Variants in RNASEH2B observed in about 807,000 individuals in gnomAD.
RNASEH2B encodes the protein ribonuclease H2 subunit B.
In RNASEH2B, 36 loss-of-function variants were observed where a neutral mutation model predicts 45.0. The ratio of observed to expected loss-of-function variants is 0.80; its 90% confidence interval spans 0.61 to 1.06. The LOEUF (loss-of-function observed/expected upper bound fraction) is 1.06, where lower values mean the gene tolerates loss of function less well. RNASEH2B is among the 50% of genes least tolerant of loss of function. The pLI is 0.00. For synonymous variants in RNASEH2B, 119 were observed against 125.7 expected, an observed-to-expected ratio of 0.95 and a Z score of 0.35; for missense variants, 361 against 360.3, an observed-to-expected ratio of 1.00 and a Z score of -0.02.
At chr13:50,938,486 A>C (rs1266312991) in intron 5 of RNASEH2B, 1 of 151,966 alleles carries the variant, frequency 6.6e-6, no homozygotes, top group Admixed American at 6.6e-5. Context: ...CAGCAGAAGC[A>C]GCAGTCTCCA....
At chr13:50,962,568 G>A (rs1348077890) in intron 9 of RNASEH2B, among the ~76,000 whole-genome samples, 1 of 152,084 alleles carries the variant, frequency 6.6e-6, no homozygotes, top group Non-Finnish European at 1.5e-5. Context: ...CATACCTGAT[G>A]TTGGTCATCT....
downstream of RNASEH2B, chr13:50,959,388 T>C (rs532737963): frequency 5.3e-5 from 8 of 152,248 alleles, no homozygotes; most frequent in Admixed American, 3.9e-4. Flanking sequence ...GATATTTCAT[T>C]TTACAGGAAA....
At chr13:50,970,034 T>C in exon 10 of RNASEH2B, 1 of 1,466,576 alleles carries the variant, frequency 6.8e-7, no homozygotes, top group Admixed American at 2.0e-5. Context: ...GACTCGGACT[T>C]TTTCTTCTGC....
chr13:50,948,153 T>C (rs2138000987), intron 8 of RNASEH2B, 85 bp downstream of exon 8: 2 of 1,581,084 alleles, frequency 1.3e-6, no homozygotes, highest in Admixed American at 3.4e-5. Context: ...TGGCTTATCA[T>C]ATCACTGTTT....
intron 9 of RNASEH2B, chr13:50,952,262 A>C (rs1951985606): frequency 6.6e-6 from 1 of 152,200 alleles, no homozygotes; most frequent in Non-Finnish European, 1.5e-5. Context: ...CATCCTCATA[A>C]CTTCAAGCTT....
intron 1 of RNASEH2B, among the ~76,000 whole-genome samples, chr13:50,919,855 A>C (rs567173344): frequency 6.6e-6 from 1 of 152,382 alleles, no homozygotes; most frequent in East Asian, 1.9e-4. Context: ...GGACTTAAAC[A>C]GTGCCTGGTA....
At chr13:50,953,634 T>G in intron 9 of RNASEH2B, 2 of 498,502 alleles carry the variant, frequency 4.0e-6, no homozygotes, top group Non-Finnish European at 7.2e-6. Context: ...CTACAAAGCC[T>G]GTGTTTGCTG....
At chr13:50,922,144 C>T (rs990345755) in intron 1 of RNASEH2B, among the ~76,000 whole-genome samples, 1 of 152,166 alleles carries the variant, frequency 6.6e-6, no homozygotes, top group African/African-American at 2.4e-5. Context: ...GCCCTATCTT[C>T]AGGGTATTTG....
rs1349429012 is a variant in RNASEH2B at position 50,930,665 on chromosome 13, C to T, written c.245-18C>T. The T allele has an allele frequency of 6.3e-7, 1 of 1,586,492 alleles. No individual in the cohort carries two copies. The highest frequency in any genetic ancestry group is 8.7e-7 in the Non-Finnish European group (1 of 1,155,002). On this transcript the variant is annotated intron_variant, in intron 3 of 10. Transcript: ENST00000336617. ...TTCCAAGACGTTTAATTCCCTTCAT[C>T]CTTTTTGTAATCTGCAGGAGGTCTT...
In RNASEH2B at chr13:50,954,000, G is replaced by A. The variant is rs767399621; in HGVS notation, c.822+15G>A. The A allele has an allele frequency of 1.3e-6, 2 of 1,515,296 alleles. No homozygotes were observed. Among genetic ancestry groups the A allele is most frequent in the Non-Finnish European group, 1.8e-6 (2 of 1,090,314 alleles). The allele number at this position is 1,515,296 out of a possible 1,614,324, so 93.9% of individuals were successfully genotyped here. ...AGACTGAAAAGGTATGTGGGTTCAG[G>A]TGTAGTGGTGTTTCGTTCATACTCA... On this transcript the variant is annotated intron_variant, in intron 10 of 10. Transcript: ENST00000336617.
intron 2 of RNASEH2B, among the ~76,000 whole-genome samples, chr13:50,929,106 C>T (rs1290426042): frequency 2.0e-5 from 3 of 152,138 alleles, no homozygotes; most frequent in African/African-American, 7.2e-5. Context: ...ACACACTGCC[C>T]AGAGGCAGGG....
At chr13:50,967,049 G>C (rs1301346296) in intron 9 of RNASEH2B, among the ~76,000 whole-genome samples, 1 of 152,112 alleles carries the variant, frequency 6.6e-6, no homozygotes, top group Non-Finnish European at 1.5e-5. Flanking sequence ...GGCATCTCTG[G>C]CCCCCAGTCA....
At chr13:50,910,672 G>C (rs148301270) in intron 1 of RNASEH2B, 2 of 152,726 alleles carry the variant, frequency 1.3e-5, no homozygotes, top group East Asian at 3.9e-4. Context: ...GCAGGATGAT[G>C]ACCACAGGAG....
intron 1 of RNASEH2B, chr13:50,912,100 G>C (rs1013613999): frequency 1.3e-5 from 2 of 152,290 alleles, no homozygotes; most frequent in African/African-American, 4.8e-5. Flanking sequence ...GGGAGGCTGA[G>C]CAGCTGTTGG....
downstream of RNASEH2B, chr13:50,960,243 C>T (rs1952097347): frequency 4.9e-6 from 3 of 606,884 alleles, no homozygotes; most frequent in East Asian, 1.1e-4. Flanking sequence ...GAAAAATTTT[C>T]CATTTTATTT....
At chr13:50,946,307 G>T (rs1951900092) in intron 7 of RNASEH2B, among the ~76,000 whole-genome samples, 1 of 152,152 alleles carries the variant, frequency 6.6e-6, no homozygotes, top group African/African-American at 2.4e-5. Context: ...CTTATTCAGG[G>T]TATACATATG....
chr13:50,970,098 T>A, exon 10 of RNASEH2B: 1 of 804,030 alleles, frequency 1.2e-6, no homozygotes, highest in Non-Finnish European at 2.1e-6. Context: ...GCGCTGACTG[T>A]AAATGCTTTA....
At chr13:50,925,752 G>C (rs966207135) in intron 1 of RNASEH2B, among the ~76,000 whole-genome samples, 3 of 152,132 alleles carry the variant, frequency 2.0e-5, no homozygotes, top group African/African-American at 7.2e-5. Context: ...TGCATGCACT[G>C]ATCCTACTTA....
downstream of RNASEH2B, among the ~76,000 whole-genome samples, chr13:50,957,783 T>G (rs990846970): frequency 1.6e-4 from 25 of 152,236 alleles, no homozygotes; most frequent in Non-Finnish European, 3.1e-4. Context: ...TTTTTTACTT[T>G]TAAATAATAC....
Sources: gnomAD v4.1 joint callset for allele counts (sites outside exome capture counted in the v4.1 genomes callset) on GRCh38, gnomAD v4.1.1 for gene constraint, MANE v1.5 for transcripts, NCBI Gene and HGNC (gene_info 2026-07-23, HGNC 2026-07-21) for gene names.